Variants in TMEM135 observed in about 807,000 individuals in gnomAD.
The protein encoded by TMEM135 is transmembrane protein 135.
Under a neutral mutation model 60.3 loss-of-function variants are expected in TMEM135, and 30 were observed. That is an observed-to-expected ratio of 0.50 (90% CI 0.37 to 0.68). The LOEUF is 0.68. Ranked by LOEUF, TMEM135 falls within the 30% of genes least tolerant of loss-of-function variation. TMEM135 has a pLI of 0.00. For missense variants in TMEM135, 468 were observed against 548.8 expected (o/e 0.85, Z 1.47); for synonymous variants, 190 against 186.7 (o/e 1.02, Z -0.14).
At chr11:87,165,740 C>G (rs1366869988) in intron 5 of TMEM135, among the ~76,000 whole-genome samples, 1 of 151,044 alleles carries the variant, frequency 6.6e-6, no homozygotes, top group African/African-American at 2.5e-5. Context: ...TAACTAAAAT[C>G]AGAGCAGAAC....
At position 87,292,594 on chromosome 11, in the gene TMEM135, G is replaced by A. The variant is rs568650833; in HGVS notation, c.510-3188G>A. On this transcript the variant is annotated intron_variant, in intron 6 of 14. Coordinates refer to ENST00000305494, the MANE Select transcript of TMEM135 (RefSeq NM_022918.4). ...GATTACAATTGTGTTTCATAGTTAG[G>A]TTAATGCTCATACAATACTCTTAGT... Among the ~76,000 whole-genome samples the A allele has an allele frequency of 3.8e-5, 5 of 130,390 alleles. No individual in the cohort carries two copies. The South Asian group carries it at 1.3e-3, about 34-fold the overall frequency. 85.5% of individuals were successfully genotyped at this position (130,390 alleles called of 152,430 possible). A position where few individuals can be genotyped will look rare whatever the true frequency, so the allele number is the denominator to read the frequency against.
In TMEM135 at chr11:87,058,344, A is replaced by ATT. The variant is rs1555097237; in HGVS notation, c.142-9344_142-9343dup. On this transcript the variant is annotated intron_variant, in intron 1 of 14. Transcript: ENST00000305494. Reference sequence around the variant, plus strand: ...TGCCTCCTTTATTATTATTATTATTATTTTTTTGACAGTCTTGCTCTGTCA... The same window carrying ATT: ...TGCCTCCTTTATTATTATTATTATTATTTTTTTTTGACAGTCTTGCTCTGTCA... 2.0e-5 allele frequency among the ~76,000 whole-genome samples: 3 copies of ATT among 151,564 alleles called. No individual in the cohort carries two copies. In the South Asian group the frequency reaches 6.3e-4, roughly 32 times the overall value.
Position 87,074,598 on chromosome 11 carries a change from G to A in TMEM135, c.362+2983G>A, listed in dbSNP as rs1856834210. Among the ~76,000 whole-genome samples the A allele has an allele frequency of 1.3e-5, 2 of 152,076 alleles. 1 individual carries two copies. The highest frequency in any genetic ancestry group is 4.1e-4 in the South Asian group (2 of 4,828). ...TCAACACAAACTGTTGAACACCTTT[G>A]TAACAATCAACTAGAGTCAATGGTT... On this transcript the variant is annotated intron_variant, in intron 3 of 14. Transcript: ENST00000305494.
chr11:87,270,272 A>G (rs1941838480), intron 6 of TMEM135, among the ~76,000 whole-genome samples: 1 of 151,260 alleles, frequency 6.6e-6, no homozygotes, highest in African/African-American at 2.4e-5. Context: ...TAGGTTGCAA[A>G]AATTTTCTCC....
intron 4 of TMEM135, among the ~76,000 whole-genome samples, chr11:87,105,484 T>A (rs2445549): frequency 0.68 from 104,051 of 151,990 alleles, 37,167 homozygotes; most frequent in East Asian, 0.88. Context: ...CTTTCACGAA[T>A]CCGTTTTCTG....
chr11:87,263,134 C>G (rs1490181100), intron 6 of TMEM135, among the ~76,000 whole-genome samples: 1 of 152,068 alleles, frequency 6.6e-6, no homozygotes, highest in Admixed American at 6.6e-5. Context: ...CATGTAACAA[C>G]TAATATGAAG....
chr11:87,200,735 T>A (rs1940074585), intron 5 of TMEM135, among the ~76,000 whole-genome samples: 1 of 143,780 alleles, frequency 7.0e-6, no homozygotes, highest in African/African-American at 2.7e-5. Context: ...ACAGAATAGT[T>A]TCACTGCTGC....
At chr11:87,280,366 T>G (rs1942038791) in intron 6 of TMEM135, among the ~76,000 whole-genome samples, 1 of 152,200 alleles carries the variant, frequency 6.6e-6, no homozygotes, top group African/African-American at 2.4e-5. Context: ...ACCTTTTGCT[T>G]TAGAAGTAAA....
intron 5 of TMEM135, among the ~76,000 whole-genome samples, chr11:87,189,679 G>A (rs1250264472): frequency 6.6e-6 from 1 of 151,504 alleles, no homozygotes; most frequent in African/African-American, 2.4e-5. Flanking sequence ...AGCACTTTGG[G>A]AGACCAAAGA....
chr11:87,174,819 A>G (rs1452170064), intron 5 of TMEM135, among the ~76,000 whole-genome samples: 2 of 152,150 alleles, frequency 1.3e-5, no homozygotes. Context: ...TTTGTCATAC[A>G]TTGTTTCACT....
chr11:87,157,311 T>A, intron 4 of TMEM135, 30 bp from the exon 5 acceptor site: 1 of 1,576,156 alleles, frequency 6.3e-7, no homozygotes, highest in Non-Finnish European at 8.6e-7. Flanking sequence ...AGATCATATA[T>A]TTTTGCTGTT....
chr11:87,038,762 T>C (rs1488393008), intron 1 of TMEM135, among the ~76,000 whole-genome samples: 1 of 151,920 alleles, frequency 6.6e-6, no homozygotes, highest in East Asian at 1.9e-4. Context: ...TGGGTTGAGA[T>C]TGTGTGTGGT....
At chr11:87,203,080 A>G (rs1940156822) in intron 5 of TMEM135, among the ~76,000 whole-genome samples, 1 of 151,294 alleles carries the variant, frequency 6.6e-6, no homozygotes, top group Non-Finnish European at 1.5e-5. Context: ...TTATGAGCAA[A>G]ATTGAGAAGG....
chr11:87,267,947 T>C (rs188286161), intron 6 of TMEM135, among the ~76,000 whole-genome samples: 6 of 151,818 alleles, frequency 4.0e-5, no homozygotes, highest in African/African-American at 1.4e-4. Flanking sequence ...CCACCTTGGC[T>C]TCCTAAAGTG....
At chr11:87,230,319 C>CT (rs925373167) in intron 5 of TMEM135, among the ~76,000 whole-genome samples, 1 of 151,966 alleles carries the variant, frequency 6.6e-6, no homozygotes, top group Non-Finnish European at 1.5e-5. Context: ...GAATTTAAAA[C>CT]TTTTTTTAAA....
intron 8 of TMEM135, among the ~76,000 whole-genome samples, chr11:87,304,385 A>G (rs570369735): frequency 7.3e-5 from 11 of 151,520 alleles, no homozygotes; most frequent in Admixed American, 2.0e-4. Context: ...CATCACTTAG[A>G]AAAAAAAAGG....
At position 87,172,440 on chromosome 11, in the gene TMEM135, CTTTTG is replaced by C. The variant is rs1939263490; in HGVS notation, c.462+15041_462+15045del. 3.3e-5 allele frequency among the ~76,000 whole-genome samples: 5 copies of C among 150,612 alleles called. No homozygotes were observed. In the South Asian group the frequency reaches 1.0e-3, roughly 31 times the overall value. ...AAAGTAGGTTTTTTTTTTTTACCTA[CTTTTG>C]TTTTGTATTACGACACGGTATTAGG... On this transcript the variant is annotated intron_variant, in intron 5 of 14. Coordinates refer to ENST00000305494, the MANE Select transcript of TMEM135 (RefSeq NM_022918.4).
chr11:87,203,734 T>C (rs1392126115), intron 5 of TMEM135, among the ~76,000 whole-genome samples: 1 of 152,196 alleles, frequency 6.6e-6, no homozygotes, highest in Non-Finnish European at 1.5e-5. Flanking sequence ...AGGAGCACAA[T>C]TGCTGGATTG....
chr11:87,063,259 AG>A (rs1487217065), intron 1 of TMEM135, among the ~76,000 whole-genome samples: 2 of 152,350 alleles, frequency 1.3e-5, no homozygotes, highest in Admixed American at 1.3e-4. Context: ...TTCTAAAACC[AG>A]GTCATGTAAA....
Sources: gnomAD v4.1 joint callset for allele counts (sites outside exome capture counted in the v4.1 genomes callset) on GRCh38, gnomAD v4.1.1 for gene constraint, MANE v1.5 for transcripts, NCBI Gene and HGNC (gene_info 2026-07-23, HGNC 2026-07-21) for gene names.